FMN2: variants seen among roughly 807,000 people sequenced by gnomAD.
The protein encoded by FMN2 is formin-2.
FMN2 carries 51 observed loss-of-function variants against 142.3 expected under a neutral mutation model. That is an observed-to-expected ratio of 0.36 (90% CI 0.29 to 0.45). The LOEUF is 0.45. Ranked by LOEUF, FMN2 falls within the 20% of genes least tolerant of loss-of-function variation. The pLI is 1.00. For synonymous variants in FMN2, 882 were observed against 869.8 expected, an observed-to-expected ratio of 1.01 and a Z score of -0.25; for missense variants, 1,936 against 2,122.8, an observed-to-expected ratio of 0.91 and a Z score of 1.73.
At chr1:240,338,752 G>T (rs529492986) in intron 13 of FMN2, among the ~76,000 whole-genome samples, 65 of 152,160 alleles carry the variant, frequency 4.3e-4, no homozygotes, top group African/African-American at 1.5e-3. Flanking sequence ...GCCAGTGGGG[G>T]ATGGTTTCAG....
chr1:240,352,293 G>T (rs1672122180), intron 13 of FMN2, among the ~76,000 whole-genome samples: 1 of 152,146 alleles, frequency 6.6e-6, no homozygotes. Context: ...TCTGTGTCAT[G>T]TGTACGTTAG....
chr1:240,263,644 C>A (rs78079900), intron 7 of FMN2, among the ~76,000 whole-genome samples: 2,859 of 152,228 alleles, frequency 0.019, 74 homozygotes, highest in African/African-American at 0.066. Context: ...GCCTTTCTTG[C>A]GTAGTGCTGG....
intron 2 of FMN2, among the ~76,000 whole-genome samples, chr1:240,161,088 AAC>A (rs999468884): frequency 1.3e-5 from 2 of 152,192 alleles, no homozygotes; most frequent in African/African-American, 4.8e-5. Context: ...CAAGTATATG[AAC>A]AGATTTATCA....
chr1:240,091,887 C>T lies in FMN2; in HGVS notation c.-223C>T. The T allele has an allele frequency of 1.4e-5, 10 of 705,124 alleles. No individual in the cohort carries two copies. Among genetic ancestry groups the T allele is most frequent in the Non-Finnish European group, 1.9e-5 (9 of 476,270 alleles). 43.7% of individuals were successfully genotyped at this position (705,124 alleles called of 1,614,324 possible). On this transcript the variant is annotated 5_prime_UTR_variant, in exon 1 of 18. Transcript: ENST00000319653. Reference sequence around the variant, plus strand: ...GCGCCCCGCCGGCCCCTAGCCGCAGCCGCAGCCGCAGCGACGGCAGCCACG... The same window carrying T: ...GCGCCCCGCCGGCCCCTAGCCGCAGTCGCAGCCGCAGCGACGGCAGCCACG...
chr1:240,108,123 T>A (rs1160636661), intron 1 of FMN2, among the ~76,000 whole-genome samples: 1 of 152,232 alleles, frequency 6.6e-6, no homozygotes, highest in Non-Finnish European at 1.5e-5. Flanking sequence ...AGTTTCACTC[T>A]GCTTTATGTT....
chr1:240,134,595 G>C (rs1398925393), intron 2 of FMN2, among the ~76,000 whole-genome samples: 3 of 151,968 alleles, frequency 2.0e-5, no homozygotes, highest in Admixed American at 6.6e-5. Flanking sequence ...CTTCCACCTG[G>C]GCAATAGAGT....
intron 2 of FMN2, among the ~76,000 whole-genome samples, chr1:240,137,371 T>C (rs1236082972): frequency 1.3e-5 from 2 of 152,148 alleles, no homozygotes; most frequent in African/African-American, 2.4e-5. Flanking sequence ...AAGTCCACTG[T>C]TGTGGTGTAA....
At chr1:240,350,859 G>A (rs1672074218) in intron 13 of FMN2, among the ~76,000 whole-genome samples, 1 of 152,144 alleles carries the variant, frequency 6.6e-6, no homozygotes, top group South Asian at 2.1e-4. Flanking sequence ...ATGTCTGGTG[G>A]GTGAATAGCA....
At chr1:240,388,598 G>A (rs1446935313) in intron 14 of FMN2, among the ~76,000 whole-genome samples, 1 of 152,062 alleles carries the variant, frequency 6.6e-6, no homozygotes, top group Non-Finnish European at 1.5e-5. Flanking sequence ...TCATAAAAAT[G>A]TTTCTGTCAA....
At chr1:240,265,051 G>A (rs1464832646) in intron 7 of FMN2, among the ~76,000 whole-genome samples, 1 of 152,174 alleles carries the variant, frequency 6.6e-6, no homozygotes, top group African/African-American at 2.4e-5. Context: ...GCTCTGGGCA[G>A]TGTGTTAGCT....
chr1:240,209,776 C>T (rs1251950401), intron 5 of FMN2, among the ~76,000 whole-genome samples: 1 of 151,530 alleles, frequency 6.6e-6, no homozygotes, highest in Non-Finnish European at 1.5e-5. Context: ...AGGTGGCGGG[C>T]GCCGGTAGTT....
intron 3 of FMN2, among the ~76,000 whole-genome samples, chr1:240,183,470 AATAT>A (rs1054637885): frequency 4.0e-5 from 6 of 148,176 alleles, no homozygotes; most frequent in South Asian, 2.1e-4. Flanking sequence ...ATATAAATTG[AATAT>A]ATATTATATA....
chr1:240,389,881 A>C (rs1673548369), intron 14 of FMN2, among the ~76,000 whole-genome samples: 1 of 152,108 alleles, frequency 6.6e-6, no homozygotes, highest in African/African-American at 2.4e-5. Flanking sequence ...GACAGGAGGA[A>C]TTGCAGCTTG....
chr1:240,317,892 G>T (rs1388228432), intron 8 of FMN2, among the ~76,000 whole-genome samples: 1 of 152,098 alleles, frequency 6.6e-6, no homozygotes, highest in African/African-American at 2.4e-5. Flanking sequence ...CAATTTTGCT[G>T]CATCCCTGGT....
chr1:240,142,685 G>T, intron 2 of FMN2: 1 of 1,610,806 alleles, frequency 6.2e-7, no homozygotes, highest in Admixed American at 1.7e-5. Flanking sequence ...CATAATTGGG[G>T]TTCTTCCGAA....
intron 14 of FMN2, among the ~76,000 whole-genome samples, chr1:240,372,265 C>T (rs2103070677): frequency 6.6e-6 from 1 of 152,194 alleles, no homozygotes; most frequent in Admixed American, 6.5e-5. Flanking sequence ...GAAAAGTCAT[C>T]TAACTCATAT....
intron 7 of FMN2, among the ~76,000 whole-genome samples, chr1:240,288,705 G>A (rs1192946206): frequency 1.3e-5 from 2 of 152,078 alleles, no homozygotes; most frequent in South Asian, 2.1e-4. Flanking sequence ...GTTACAAAGA[G>A]AAGGAGGCCC....
At chr1:240,343,287 A>G (rs1050470889) in intron 13 of FMN2, among the ~76,000 whole-genome samples, 5 of 152,184 alleles carry the variant, frequency 3.3e-5, no homozygotes, top group Non-Finnish European at 5.9e-5. Context: ...TTTAATCCCT[A>G]TGCCATAGAT....
intron 14 of FMN2, among the ~76,000 whole-genome samples, chr1:240,361,839 T>C (rs1029395667): frequency 1.3e-5 from 2 of 152,184 alleles, no homozygotes; most frequent in African/African-American, 4.8e-5. Context: ...GATCCAGGGA[T>C]AGTATTCTGG....
Sources: gnomAD v4.1 joint callset for allele counts (sites outside exome capture counted in the v4.1 genomes callset) on GRCh38, gnomAD v4.1.1 for gene constraint, MANE v1.5 for transcripts, NCBI Gene and HGNC (gene_info 2026-07-23, HGNC 2026-07-21) for gene names.